PLA2G10: variants seen among roughly 807,000 people sequenced by gnomAD.
PLA2G10 encodes group 10 secretory phospholipase A2.
PLA2G10 carries 9 observed loss-of-function variants against 7.9 expected under a neutral mutation model. The observed-to-expected ratio is 1.14, with a 90% CI of 0.68 to 1.98. PLA2G10 has a LOEUF of 1.98. PLA2G10 is among the 30% of genes most tolerant of loss of function. The pLI, the probability that PLA2G10 is intolerant of heterozygous loss-of-function variation, is 0.00. For synonymous variants in PLA2G10, 19 were observed against 27.5 expected, an observed-to-expected ratio of 0.69 and a Z score of 0.97; for missense variants, 53 against 65.4, an observed-to-expected ratio of 0.81 and a Z score of 0.66.
intron 3 of PLA2G10, among the ~76,000 whole-genome samples, chr16:14,682,919 A>G (rs954548193): frequency 1.3e-5 from 2 of 151,806 alleles, no homozygotes; most frequent in African/African-American, 2.4e-5. Flanking sequence ...AAATACAAAA[A>G]TCAACTGGGT....
intron 3 of PLA2G10, among the ~76,000 whole-genome samples, chr16:14,680,425 C>CT (rs1960858288): frequency 1.3e-5 from 2 of 152,022 alleles, no homozygotes; most frequent in Non-Finnish European, 2.9e-5. Context: ...GGGTCTCACT[C>CT]TGTCACCCAG....
rs79822700 is a variant in PLA2G10 at position 14,677,174 on chromosome 16, T to C, written c.356-4425A>G. On this transcript the variant is annotated intron_variant, in intron 3 of 3. Transcript: ENST00000438167. ...ATGTTTTAATTTTTCATAACAAACA[T>C]GTATTGGGTTTGAATCAGAAAAAGT... Among the ~76,000 whole-genome samples, 89 of 152,250 alleles carry C rather than the reference T, an allele frequency of 5.8e-4. No individual in the cohort carries two copies. The East Asian group carries it at 7.9e-3, about 14-fold the overall frequency.
In PLA2G10 at chr16:14,679,660, CAA is replaced by C. The variant is rs770745365; in HGVS notation, c.356-6913_356-6912del. The stretch of plus-strand genomic sequence containing the variant: ...GGGCAACAAGAGCAAGACTCCACCT[CAA>C]AAAAAAAAAAAAATAATAATAATAA... On this transcript the variant is annotated intron_variant, in intron 3 of 3. Coordinates refer to ENST00000438167, the MANE Select transcript of PLA2G10 (RefSeq NM_003561.3). 8.3e-3 allele frequency among the ~76,000 whole-genome samples: 1,088 copies of C among 130,458 alleles called. 15 individuals are homozygous for C. The highest frequency in any genetic ancestry group is 0.03 in the African/African-American group (1,038 of 34,436). The allele number at this position is 130,458 out of a possible 152,430, so 85.6% of individuals were successfully genotyped here. A position where few individuals can be genotyped will look rare whatever the true frequency, so the allele number is the denominator to read the frequency against.
chr16:14,681,961 G>A (rs1430060597), intron 3 of PLA2G10, among the ~76,000 whole-genome samples: 1 of 151,856 alleles, frequency 6.6e-6, no homozygotes, highest in Non-Finnish European at 1.5e-5. Context: ...GCAGTTTTGG[G>A]AATAAGTCAC....
chr16:14,673,523 C>T (rs1960647577), intron 3 of PLA2G10, among the ~76,000 whole-genome samples: 1 of 152,026 alleles, frequency 6.6e-6, no homozygotes, highest in South Asian at 2.1e-4. Context: ...AGGCCCACCA[C>T]CATGCCCAGC....
At chr16:14,682,757 G>A (rs1313681659) in intron 3 of PLA2G10, among the ~76,000 whole-genome samples, 2 of 151,910 alleles carry the variant, frequency 1.3e-5, no homozygotes, top group South Asian at 2.1e-4. Context: ...GGAGGAGATA[G>A]AAGAAAAATT....
intron 3 of PLA2G10, among the ~76,000 whole-genome samples, chr16:14,677,057 A>G (rs1223064440): frequency 1.3e-5 from 2 of 152,188 alleles, no homozygotes; most frequent in Non-Finnish European, 2.9e-5. Flanking sequence ...TTTCACCACT[A>G]TACAATTCAT....
chr16:14,686,793 C>A (rs1379257918), intron 3 of PLA2G10, among the ~76,000 whole-genome samples: 1 of 152,132 alleles, frequency 6.6e-6, no homozygotes, highest in Non-Finnish European at 1.5e-5. Context: ...CAGCACCCGG[C>A]CCAAAATGGA....
intron 3 of PLA2G10, among the ~76,000 whole-genome samples, chr16:14,686,962 G>T (rs1416925053): frequency 6.6e-6 from 1 of 151,926 alleles, no homozygotes; most frequent in Non-Finnish European, 1.5e-5. Flanking sequence ...AAAAATATTA[G>T]CCAGGTGTAG....
At chr16:14,701,798 T>A in the PLA2G10 span, 2 of 33,770 alleles carry the variant, frequency 5.9e-5, no homozygotes, top group East Asian at 1.8e-3. Flanking sequence ...CGGGAGGATT[T>A]CTTGAGCCCA....
chr16:14,687,062 CAT>C (rs1299713967), intron 3 of PLA2G10, among the ~76,000 whole-genome samples: 1 of 151,402 alleles, frequency 6.6e-6, no homozygotes, highest in East Asian at 2.0e-4. Context: ...AAGCCAAGAA[CAT>C]GCCATTGCAC....
chr16:14,672,667 G>C lies in PLA2G10; in HGVS notation c.438C>G (p.Asn146Lys). The C allele has an allele frequency of 6.2e-7, 1 of 1,614,028 alleles. No individual in the cohort carries two copies. The highest frequency in any genetic ancestry group is 1.1e-5 in the South Asian group (1 of 91,088). The change falls in exon 4 of 4, where the codon AAC (asparagine) becomes AAG (lysine). Residue 146 changes from asparagine (N) to lysine (K), a missense_variant. Physicochemically the swap from Asn to Lys is moderately conservative, Grantham distance 94. This residue lies in a region of PLA2G10 where 48 missense variants were observed against 47.0 expected (regional missense o/e 1.02). Coordinates refer to ENST00000438167, the MANE Select transcript of PLA2G10 (RefSeq NM_003561.3). ...IANCLAQTEY[N>K]LKYLFYPQFL... ...ACTGGGGGTAGAAGAGGTACTTTAA[G>C]TTGTACTCAGTTTGGGCTAAGCAGT...
chr16:14,681,912 A>G (rs1394140555), intron 3 of PLA2G10, among the ~76,000 whole-genome samples: 1 of 151,772 alleles, frequency 6.6e-6, no homozygotes, highest in Non-Finnish European at 1.5e-5. Flanking sequence ...TTCCCACTGA[A>G]GCCTCATTTC....
At chr16:14,675,583 G>A (rs951952375) in intron 3 of PLA2G10, among the ~76,000 whole-genome samples, 4 of 151,986 alleles carry the variant, frequency 2.6e-5, no homozygotes, top group Non-Finnish European at 5.9e-5. Flanking sequence ...TCTGACAAAG[G>A]ACTAATATCC....
At chr16:14,673,972 A>G (rs1362416866) in intron 3 of PLA2G10, among the ~76,000 whole-genome samples, 1 of 152,204 alleles carries the variant, frequency 6.6e-6, no homozygotes, top group Non-Finnish European at 1.5e-5. Context: ...ATACAATCAT[A>G]TACCTAGAAA....
intron 3 of PLA2G10, among the ~76,000 whole-genome samples, chr16:14,682,080 G>A (rs1960907562): frequency 6.6e-6 from 1 of 151,936 alleles, no homozygotes; most frequent in African/African-American, 2.4e-5. Context: ...CTATCCTCCT[G>A]CCTTGGCCTC....
intron 3 of PLA2G10, among the ~76,000 whole-genome samples, chr16:14,684,660 T>C (rs1308584683): frequency 1.3e-5 from 2 of 151,844 alleles, no homozygotes; most frequent in African/African-American, 2.4e-5. Flanking sequence ...AGTGAGACTT[T>C]GTCTCAAAAA....
At chr16:14,678,880 C>G (rs940131350) in intron 3 of PLA2G10, 1 of 256,206 alleles carries the variant, frequency 3.9e-6, no homozygotes, top group African/African-American at 2.3e-5. Context: ...GCCCCTATCA[C>G]TCTCCGACAT....
At chr16:14,678,857 C>T in intron 3 of PLA2G10, 2 of 303,134 alleles carry the variant, frequency 6.6e-6, no homozygotes, top group South Asian at 5.4e-5. Flanking sequence ...GCCTCCAATG[C>T]CCTAGGAATC....
Sources: allele counts gnomAD v4.1 joint callset (sites outside exome capture counted in the v4.1 genomes callset), GRCh38; gene constraint gnomAD v4.1.1; regional missense constraint gnomAD v4.1.1; transcripts MANE v1.5; gene names NCBI Gene and HGNC (gene_info 2026-07-23, HGNC 2026-07-21).